ORC3: variants seen among roughly 807,000 people sequenced by gnomAD.
ORC3 encodes homolog of latheo, Drosophila.
ORC3 carries 78 observed loss-of-function variants against 100.7 expected under a neutral mutation model. The observed-to-expected ratio is 0.77, with a 90% CI of 0.65 to 0.94. The LOEUF is 0.94. Ranked by LOEUF, ORC3 falls within the 40% of genes least tolerant of loss-of-function variation. ORC3 has a pLI of 0.00. For missense variants in ORC3, 789 were observed against 823.9 expected (o/e 0.96, Z 0.52); for synonymous variants, 295 against 289.3 (o/e 1.02, Z -0.20).
chr6:87,668,471 G>T (rs1052212748), downstream of ORC3, among the ~76,000 whole-genome samples: 3 of 152,194 alleles, frequency 2.0e-5, no homozygotes, highest in Admixed American at 1.3e-4. Context: ...GAGCATGTCA[G>T]TACGCAAAAA....
Position 87,667,177 on chromosome 6 carries a change from A to G in ORC3, c.*54A>G, listed in dbSNP as rs1340454250. ...ACATTTAGCTTAAGAGAAAAAGGTG[A>G]CCAGTCATATTTACATATATTAGAG... On this transcript the variant is annotated 3_prime_UTR_variant, in exon 20 of 20. Transcript: ENST00000392844. The G allele has an allele frequency of 1.2e-5, 13 of 1,077,824 alleles. No homozygotes were observed. The highest frequency in any genetic ancestry group is 1.7e-5 in the Non-Finnish European group (12 of 718,052). 66.8% of individuals were successfully genotyped at this position (1,077,824 alleles called of 1,614,324 possible).
intron 1 of ORC3, among the ~76,000 whole-genome samples, chr6:87,590,633 A>T (rs2128239657): frequency 6.6e-6 from 1 of 152,308 alleles, no homozygotes; most frequent in South Asian, 2.1e-4. Context: ...CAGACAACAG[A>T]AGAGTGGGAA....
chr6:87,597,873 C>A, intron 2 of ORC3, among the ~76,000 whole-genome samples: 1 of 151,692 alleles, frequency 6.6e-6, no homozygotes, highest in Non-Finnish European at 1.5e-5. Context: ...TTTAATGTTG[C>A]AGATTGCTCA....
chr6:87,673,374 A>G, the ORC3 span, among the ~76,000 whole-genome samples: 3 of 152,014 alleles, frequency 2.0e-5, no homozygotes, highest in Non-Finnish European at 4.4e-5. Context: ...CAATGTCTGC[A>G]AACACTTTGG....
chr6:87,670,814 CAAAG>C (rs1245388300), downstream of ORC3, among the ~76,000 whole-genome samples: 19 of 152,114 alleles, frequency 1.2e-4, no homozygotes, highest in African/African-American at 2.9e-4. Flanking sequence ...GGAAGTAAAA[CAAAG>C]AAAGCAGCAG....
chr6:87,661,196 ACTGC>A (rs1485738901), intron 16 of ORC3, among the ~76,000 whole-genome samples: 2 of 152,226 alleles, frequency 1.3e-5, no homozygotes, highest in Admixed American at 1.3e-4. Flanking sequence ...TTGGGAAATA[ACTGC>A]CTGAGGTTAG....
rs1185554642 is a variant in ORC3 at position 87,653,121 on chromosome 6, T to G, written c.1388T>G (p.Leu463Trp). The change falls in exon 14 of 20, where the codon TTG becomes TGG. Residue 463 changes from leucine to tryptophan, a missense_variant. Physicochemically the swap from Leu to Trp is moderately conservative, Grantham distance 61 (BLOSUM62 -2). Coordinates refer to ENST00000392844, the MANE Select transcript of ORC3 (RefSeq NM_012381.4). The part of the protein sequence containing the change: ...YASVLQLLRM[L>W]AKDELMTILE... Reference sequence around the variant, plus strand: ...TGTCACTGACTCTGTTCTAGGATGTTGGCAAAGGATGAACTGATGACCATA... The same window carrying G: ...TGTCACTGACTCTGTTCTAGGATGTGGGCAAAGGATGAACTGATGACCATA... The G allele has an allele frequency of 6.2e-7, 1 of 1,611,986 alleles. No homozygotes were observed. The highest frequency in any genetic ancestry group is 1.7e-5 in the Admixed American group (1 of 59,850).
Position 87,621,951 on chromosome 6 carries a change from T to A in ORC3, c.1123T>A (p.Tyr375Asn). The change falls in exon 11 of 20, where the codon TAC becomes AAC. Residue 375 changes from tyrosine to asparagine, a missense_variant and splice_region_variant. By Grantham distance (143) the Tyr-to-Asn change is moderately radical. Around this residue, in one of 3 missense-constraint regions of ORC3, gnomAD observed 366 missense variants for 394.2 expected, o/e 0.93. Coordinates refer to ENST00000392844, the MANE Select transcript of ORC3 (RefSeq NM_012381.4). ...TGTATGGAATGGTGAAAATTCTAGG[T>A]ACGTGGAAAAGCAAGCTTCAGAAAA... ...NIRRLPSFRR[Y>N]VEKQASEKQV... 6.2e-7 allele frequency: 1 copy of A among 1,600,922 alleles called. No individual in the cohort carries two copies. Among genetic ancestry groups the A allele is most frequent in the South Asian group, 1.1e-5 (1 of 90,308 alleles).
chr6:87,631,388 C>T (rs1220265795), intron 11 of ORC3, among the ~76,000 whole-genome samples: 1 of 152,060 alleles, frequency 6.6e-6, no homozygotes, highest in Admixed American at 6.6e-5. Flanking sequence ...GACTAGTGTG[C>T]AGAAAAAGTG....
intron 15 of ORC3, 64 bp downstream of exon 15, chr6:87,657,046 T>A: frequency 9.2e-7 from 1 of 1,089,306 alleles, no homozygotes. Context: ...GTTTGTGCTC[T>A]AGATTAACTC....
intron 16 of ORC3, among the ~76,000 whole-genome samples, chr6:87,661,078 G>GT (rs138114384): frequency 0.029 from 4,401 of 152,278 alleles, 214 homozygotes; most frequent in African/African-American, 0.1. Context: ...TGAGGCGATA[G>GT]TTTGAGTTTC....
chr6:87,656,481 C>T (rs1424457042), intron 14 of ORC3, among the ~76,000 whole-genome samples: 4 of 151,884 alleles, frequency 2.6e-5, no homozygotes, highest in East Asian at 1.9e-4. Context: ...CCAGCTACTC[C>T]GGAGGCTGAG....
chr6:87,657,147 C>T (rs890778135), intron 15 of ORC3, 165 bp downstream of exon 15: 1 of 560,560 alleles, frequency 1.8e-6, no homozygotes, highest in East Asian at 3.2e-5. Context: ...CTGTTAGTCC[C>T]ATTGCCATCA....
intron 11 of ORC3, among the ~76,000 whole-genome samples, chr6:87,632,986 C>T (rs1767541165): frequency 6.6e-6 from 1 of 152,204 alleles, no homozygotes; most frequent in African/African-American, 2.4e-5. Context: ...TTATATTCCT[C>T]ATCGAACACT....
chr6:87,612,282 T>G, intron 8 of ORC3, 34 bp downstream of exon 8: 1 of 1,506,244 alleles, frequency 6.6e-7, no homozygotes, highest in Non-Finnish European at 9.0e-7. Flanking sequence ...TGAAATAGGA[T>G]GAAAAGAAAA....
At chr6:87,620,578 G>A (rs946449833) in intron 9 of ORC3, among the ~76,000 whole-genome samples, 1 of 152,204 alleles carries the variant, frequency 6.6e-6, no homozygotes, top group Admixed American at 6.5e-5. Flanking sequence ...TTTGTGATGA[G>A]GAGTGACCAG....
intron 14 of ORC3, among the ~76,000 whole-genome samples, chr6:87,653,802 G>C (rs1017093969): frequency 3.3e-5 from 5 of 152,146 alleles, no homozygotes; most frequent in Non-Finnish European, 5.9e-5. Context: ...AAGCAGCCTG[G>C]CACTCTTCAC....
At chr6:87,630,558 G>A (rs542261679) in intron 11 of ORC3, among the ~76,000 whole-genome samples, 7 of 152,126 alleles carry the variant, frequency 4.6e-5, no homozygotes, top group Admixed American at 1.3e-4. Context: ...AACTTCTACC[G>A]TTTTCATTGT....
At chr6:87,674,772 CAGA>C in the ORC3 span, among the ~76,000 whole-genome samples, 5 of 151,194 alleles carry the variant, frequency 3.3e-5, no homozygotes, top group Admixed American at 1.3e-4. Flanking sequence ...CCGCGCCCAG[CAGA>C]AGAAGGCATT....
Sources: gnomAD v4.1 joint callset for allele counts (sites outside exome capture counted in the v4.1 genomes callset) on GRCh38, gnomAD v4.1.1 for gene constraint, gnomAD v4.1.1 regional missense constraint, MANE v1.5 for transcripts, NCBI Gene and HGNC (gene_info 2026-07-23, HGNC 2026-07-21) for gene names.